FCSK: variants seen among roughly 807,000 people sequenced by gnomAD.
FCSK encodes fucose kinase, also known as L-fucose kinase.
Under a neutral mutation model 122.5 loss-of-function variants are expected in FCSK, and 123 were observed. The observed-to-expected ratio is 1.00, with a 90% confidence interval of 0.87 to 1.17. FCSK has a LOEUF of 1.17. Ranked by LOEUF, FCSK falls within the 50% of genes most tolerant of loss-of-function variation. FCSK has a pLI of 0.00. For missense variants in FCSK, 1,366 were observed against 1,450.4 expected (o/e 0.94, Z 0.95); for synonymous variants, 620 against 625.5 (o/e 0.99, Z 0.13).
intron 3 of FCSK, among the ~76,000 whole-genome samples, chr16:70,464,015 G>A (rs74026048): frequency 0.021 from 3,063 of 149,006 alleles, 128 homozygotes; most frequent in African/African-American, 0.075. Flanking sequence ...AGGCTTTCTG[G>A]CTTCTCTTGA....
chr16:70,459,539 G>A (rs13338441), intron 1 of FCSK, among the ~76,000 whole-genome samples: 25,301 of 151,258 alleles, frequency 0.17, 7,006 homozygotes, highest in African/African-American at 0.57. Flanking sequence ...CTCCATCTCA[G>A]AAAGAAAAAA....
intron 3 of FCSK, 51 bp from the exon 4 acceptor site, chr16:70,465,075 C>T: frequency 6.2e-7 from 1 of 1,608,304 alleles, no homozygotes; most frequent in Non-Finnish European, 8.5e-7. Flanking sequence ...GTGCCATCCT[C>T]CAGGGCGTCT....
intron 14 of FCSK, 148 bp from the exon 15 acceptor site, chr16:70,472,835 G>A: frequency 9.8e-7 from 1 of 1,023,818 alleles, no homozygotes; most frequent in Non-Finnish European, 1.4e-6. Flanking sequence ...AAGGATGCCA[G>A]GCAGCCTGGC....
At chr16:70,471,755 C>T (rs1452920232) in intron 13 of FCSK, among the ~76,000 whole-genome samples, 2 of 151,908 alleles carry the variant, frequency 1.3e-5, no homozygotes, top group South Asian at 2.1e-4. Context: ...TGCACCACCA[C>T]GCCCAGCTTA....
chr16:70,473,185 C>T lies in FCSK; in HGVS notation c.1609C>T (p.Leu537=). 1 of 1,539,618 alleles carries T rather than the reference C, an allele frequency of 6.5e-7. No individual in the cohort carries two copies. The highest frequency in any genetic ancestry group is 8.7e-7 in the Non-Finnish European group (1 of 1,146,584). Residue 537 remains leucine (L), a synonymous_variant, in exon 15 of 24, where the codon CTG becomes TTG. Coordinates refer to ENST00000288078, the MANE Select transcript of FCSK (RefSeq NM_145059.3). This position sits in a 1 kb window ranked among gnomAD's most constrained non-coding sequence, Gnocchi z 4.9. The part of the protein sequence containing the change: ...RLSWEQLQPC[L]DRAATLASRR... Reference sequence around the variant, plus strand: ...GTCCTGGGAGCAGCTGCAGCCGTGCCTGGATCGGGCTGCCACGCTGGCCTC... The same window carrying T: ...GTCCTGGGAGCAGCTGCAGCCGTGCTTGGATCGGGCTGCCACGCTGGCCTC...
At position 70,465,152 on chromosome 16, in the gene FCSK, G is replaced by A. The variant is rs751979939; in HGVS notation, c.261G>A (p.Ser87=). ...FTVVTSDVLH[S]AWILILHMGR... ...TGGTCACATCCGATGTCCTGCACTCGGCCTGGATCCTCATTCTGCACATGG... is the reference window on the plus strand; with the variant it reads ...TGGTCACATCCGATGTCCTGCACTCAGCCTGGATCCTCATTCTGCACATGG... Residue 87 remains serine (S), a synonymous_variant, in exon 4 of 24, where the codon TCG becomes TCA. Transcript: ENST00000288078. 1.4e-5 allele frequency: 22 copies of A among 1,613,294 alleles called. No homozygotes were observed. Among genetic ancestry groups the A allele is most frequent in the South Asian group, 4.4e-5 (4 of 90,968 alleles).
intron 13 of FCSK, among the ~76,000 whole-genome samples, 186 bp downstream of exon 13, chr16:70,471,538 A>G (rs2048619750): frequency 6.6e-6 from 1 of 152,214 alleles, no homozygotes; most frequent in Non-Finnish European, 1.5e-5. Context: ...TGAGACCAGC[A>G]GAGTCTCCAC....
chr16:70,469,246 A>T lies in FCSK; in HGVS notation c.878A>T (p.Asp293Val), dbSNP rs781604512. The change falls in exon 10 of 24, where the codon GAT (aspartate) becomes GTT (valine). Residue 293 changes from aspartate to valine, a missense_variant. Transcript: ENST00000288078. Reference sequence around the variant, plus strand: ...AGGCCCCCAGAGTTGGGGCAAGGCGATGCAGATGTAGCGGGTTATCTGCAG... The same window carrying T: ...AGGCCCCCAGAGTTGGGGCAAGGCGTTGCAGATGTAGCGGGTTATCTGCAG... Reference protein sequence around the residue: ...VGRPPELGQGDADVAGYLQSA... With the variant: ...VGRPPELGQGVADVAGYLQSA... The T allele has an allele frequency of 6.8e-6, 11 of 1,613,794 alleles. No homozygotes were observed. Among genetic ancestry groups the T allele is most frequent in the Non-Finnish European group, 8.5e-6 (10 of 1,180,006 alleles).
intron 13 of FCSK, among the ~76,000 whole-genome samples, chr16:70,472,172 G>A (rs1019816028): frequency 7.2e-5 from 11 of 152,094 alleles, no homozygotes; most frequent in Admixed American, 3.9e-4. Context: ...GAGGTAACCC[G>A]CCTTGGGCTG....
At chr16:70,466,735 T>G in intron 5 of FCSK, 147 bp from the exon 6 acceptor site, 1 of 652,370 alleles carries the variant, frequency 1.5e-6, no homozygotes, top group East Asian at 2.7e-5. Context: ...ATGGGGAAAG[T>G]TGTAAACCCA....
intron 1 of FCSK, among the ~76,000 whole-genome samples, chr16:70,458,219 G>A (rs891511426): frequency 4.6e-4 from 70 of 150,800 alleles, no homozygotes; most frequent in African/African-American, 1.6e-3. Context: ...GAGTGCAGTG[G>A]AACAATCTCT....
At chr16:70,470,265 C>G (rs760551903) in intron 10 of FCSK, 49 bp from the exon 11 acceptor site, 1 of 1,331,946 alleles carries the variant, frequency 7.5e-7, no homozygotes, top group Non-Finnish European at 1.1e-6. Context: ...AGCCTGGCCC[C>G]TGAGTCGCAG....
rs747682699 is a variant in FCSK, at chr16:70,470,324, C to T, written c.966C>T (p.Ser322=). 6.2e-7 allele frequency: 1 copy of T among 1,612,632 alleles called. No homozygotes were observed. Among genetic ancestry groups the T allele is most frequent in the South Asian group, 1.1e-5 (1 of 91,046 alleles). The change falls in exon 11 of 24, where the codon TCC becomes TCT. Residue 322 remains serine (S), a synonymous_variant. Transcript: ENST00000288078. ...CTTATGTCTTTACAGCCTATGTCTC[C>T]AGCGGCAGCTACAGCTACATGACCT... ...RDQPLTMAYV[S]SGSYSYMTSS...
In FCSK at chr16:70,475,366, G is replaced by A. The variant is rs370430240; in HGVS notation, c.2394G>A (p.Ala798=). 1.7e-5 allele frequency: 27 copies of A among 1,610,534 alleles called. No individual in the cohort carries two copies. The highest frequency in any genetic ancestry group is 3.3e-5 in the Admixed American group (2 of 60,016). ...CTTCTGCAGGGGCCCTGCTGAAGGC[G>A]GCCTTCATCTGTGCAGGGATCGTGC... The part of the protein sequence containing the change: ...QPHAPGALLK[A]AFICAGIVHV... Residue 798 remains alanine, a synonymous_variant, in exon 19 of 24, where the codon GCG becomes GCA. Coordinates refer to ENST00000288078, the MANE Select transcript of FCSK (RefSeq NM_145059.3).
At chr16:70,464,189 C>G (rs1437468226) in intron 3 of FCSK, among the ~76,000 whole-genome samples, 1 of 152,206 alleles carries the variant, frequency 6.6e-6, no homozygotes, top group Non-Finnish European at 1.5e-5. Context: ...GTCACCTTGT[C>G]TGCATAGCAT....
At chr16:70,471,133 G>T in intron 12 of FCSK, 49 bp from the exon 13 acceptor site, 1 of 1,590,722 alleles carries the variant, frequency 6.3e-7, no homozygotes, top group Non-Finnish European at 8.6e-7. Context: ...ATGTGTTGGG[G>T]GGTGTTGGGT....
chr16:70,459,745 A>G (rs1405682769), intron 1 of FCSK, among the ~76,000 whole-genome samples: 3 of 144,064 alleles, frequency 2.1e-5, no homozygotes, highest in South Asian at 4.3e-4. Flanking sequence ...TCCTCCTGAC[A>G]TGGCCTCCCA....
At chr16:70,472,729 G>A in intron 14 of FCSK, 124 bp downstream of exon 14, 1 of 871,558 alleles carries the variant, frequency 1.1e-6, no homozygotes, top group East Asian at 2.7e-5. Context: ...GGGCCTGGGT[G>A]GTTTTGGGCA....
chr16:70,472,214 C>T (rs930263735), intron 13 of FCSK, among the ~76,000 whole-genome samples: 1 of 152,162 alleles, frequency 6.6e-6, no homozygotes, highest in African/African-American at 2.4e-5. Flanking sequence ...GCCTGGAACC[C>T]AGGGTTCTGC....
Sources: allele counts gnomAD v4.1 joint callset (sites outside exome capture counted in the v4.1 genomes callset), GRCh38; gene constraint gnomAD v4.1.1; non-coding constraint Gnocchi (gnomAD v3.1); transcripts MANE v1.5; gene names NCBI Gene and HGNC (gene_info 2026-07-23, HGNC 2026-07-21).